The following PKD2L2 variants were observed in gnomAD, a reference collection of about 807,000 sequenced individuals.
PKD2L2 encodes the protein polycystin 2 like 2, transient receptor potential cation channel.
In PKD2L2, 67 loss-of-function variants were observed where a neutral mutation model predicts 83.9. The ratio of observed to expected loss-of-function variants is 0.80; its 90% CI spans 0.66 to 0.98. PKD2L2 has a LOEUF of 0.98. Ranked by LOEUF, PKD2L2 falls within the 50% of genes least tolerant of loss-of-function variation. The pLI, the probability that PKD2L2 is intolerant of heterozygous loss-of-function variation, is 0.00. For synonymous variants in PKD2L2, 223 were observed against 237.8 expected, an observed-to-expected ratio of 0.94 and a Z score of 0.57; for missense variants, 632 against 717.2, an observed-to-expected ratio of 0.88 and a Z score of 1.36.
Position 137,931,605 on chromosome 5 carries a change from T to C in PKD2L2, c.1672-4192T>C, listed in dbSNP as rs1207279507. On this transcript the variant is annotated intron_variant, in intron 12 of 14. Transcript: ENST00000508883. ...ATGATCATTTTCCACAAATGCTGGG[T>C]ATTTTATAAGTTTCAACACCCAATC... 2.0e-5 allele frequency among the ~76,000 whole-genome samples: 3 copies of C among 152,196 alleles called. No homozygotes were observed. The East Asian group carries it at 5.8e-4, about 29-fold the overall frequency.
intron 14 of PKD2L2, chr5:137,939,928 A>G: frequency 7.4e-7 from 1 of 1,344,662 alleles, no homozygotes. Context: ...TTGAAAGGAT[A>G]AAATTCCAGT....
intron 12 of PKD2L2, among the ~76,000 whole-genome samples, chr5:137,928,999 T>C (rs909248609): frequency 1.3e-5 from 2 of 152,220 alleles, no homozygotes; most frequent in African/African-American, 4.8e-5. Context: ...TGAAATAATG[T>C]TATGTCTTAC....
chr5:137,895,730 TAGTC>T (rs2150003097), intron 4 of PKD2L2, among the ~76,000 whole-genome samples: 1 of 150,836 alleles, frequency 6.6e-6, no homozygotes, highest in African/African-American at 2.4e-5. Context: ...ATACAAAAAT[TAGTC>T]AGGTATGGTA....
At chr5:137,910,184 CCACTG>C (rs1293178060) in intron 8 of PKD2L2, among the ~76,000 whole-genome samples, 2 of 151,132 alleles carry the variant, frequency 1.3e-5, no homozygotes, top group Non-Finnish European at 2.9e-5. Flanking sequence ...TATGATCACA[CCACTG>C]CACTCCAGCA....
intron 8 of PKD2L2, among the ~76,000 whole-genome samples, chr5:137,920,670 T>C (rs574663367): frequency 6.6e-6 from 1 of 151,866 alleles, no homozygotes; most frequent in South Asian, 2.1e-4. Flanking sequence ...GGCAGGAGAA[T>C]TGCTTGAACC....
At chr5:137,894,267 C>T (rs1464873722) in intron 3 of PKD2L2, 86 bp from the exon 4 acceptor site, 1 of 1,173,928 alleles carries the variant, frequency 8.5e-7, no homozygotes, top group Non-Finnish European at 1.2e-6. Flanking sequence ...TTTTCATACT[C>T]AAAATCTCTT....
chr5:137,939,800 T>C, intron 14 of PKD2L2: 3 of 1,179,922 alleles, frequency 2.5e-6, no homozygotes, highest in Non-Finnish European at 3.2e-6. Context: ...TTTCAGTCAT[T>C]CTGTAAGAAA....
chr5:137,911,002 C>A (rs2150026623), intron 8 of PKD2L2, among the ~76,000 whole-genome samples: 1 of 152,290 alleles, frequency 6.6e-6, no homozygotes, highest in Admixed American at 6.5e-5. Flanking sequence ...TAAACCACTT[C>A]TAAGTGTACA....
At chr5:137,906,869 T>C (rs1329216705) in intron 6 of PKD2L2, among the ~76,000 whole-genome samples, 1 of 152,148 alleles carries the variant, frequency 6.6e-6, no homozygotes, top group South Asian at 2.1e-4. Context: ...CTAAGCAGAA[T>C]ACTGACAGGG....
intron 12 of PKD2L2, among the ~76,000 whole-genome samples, chr5:137,932,191 A>T: frequency 6.6e-6 from 1 of 152,074 alleles, no homozygotes; most frequent in East Asian, 1.9e-4. Context: ...CTACTAAAAA[A>T]TACAAAATTA....
chr5:137,900,305 G>A (rs918809001), intron 5 of PKD2L2, among the ~76,000 whole-genome samples: 2 of 152,140 alleles, frequency 1.3e-5, no homozygotes, highest in East Asian at 3.8e-4. Context: ...AGTAAATTGT[G>A]TATCTCAGTA....
At chr5:137,899,813 T>C in intron 5 of PKD2L2, 76 bp downstream of exon 5, 2 of 722,782 alleles carry the variant, frequency 2.8e-6, no homozygotes, top group Non-Finnish European at 4.7e-6. Context: ...CAGTTGACCC[T>C]TGAACCACAT....
intron 1 of PKD2L2, chr5:137,889,816 G>C (rs1440274624): frequency 2.6e-6 from 1 of 377,968 alleles, no homozygotes; most frequent in Non-Finnish European, 4.7e-6. Context: ...TTGATCTGGG[G>C]AGTCGTGACC....
rs137861875 is a variant in PKD2L2 at position 137,930,444 on chromosome 5, G to A, written c.1671+4515G>A. Among the ~76,000 whole-genome samples, 145 of 152,144 alleles carry A rather than the reference G, an allele frequency of 9.5e-4. No homozygotes were observed. In the East Asian group the frequency reaches 0.027, roughly 28 times the overall value. On this transcript the variant is annotated intron_variant, in intron 12 of 14. Coordinates refer to ENST00000508883, the MANE Select transcript of PKD2L2 (RefSeq NM_001300921.2). ...TCCCAGCACTTTGGGAGGCTGAGGTGGGCGGATCATGAGGTCAGGAGTTCG... is the reference window on the plus strand; with the variant it reads ...TCCCAGCACTTTGGGAGGCTGAGGTAGGCGGATCATGAGGTCAGGAGTTCG...
At chr5:137,909,927 G>A (rs1182942720) in intron 8 of PKD2L2, among the ~76,000 whole-genome samples, 1 of 151,984 alleles carries the variant, frequency 6.6e-6, no homozygotes, top group African/African-American at 2.4e-5. Context: ...TGCCAAACAT[G>A]TATTTTTAAA....
chr5:137,899,484 C>A, intron 4 of PKD2L2, 32 bp from the exon 5 acceptor site: 1 of 1,326,516 alleles, frequency 7.5e-7, no homozygotes, highest in South Asian at 1.2e-5. Context: ...TGGGCTTTGT[C>A]ATTTCACCAT....
At chr5:137,923,037 A>T in intron 9 of PKD2L2, among the ~76,000 whole-genome samples, 3 of 133,792 alleles carry the variant, frequency 2.2e-5, no homozygotes, top group African/African-American at 5.7e-5. Flanking sequence ...TTTTAGACGG[A>T]GTCTTGCTCT....
chr5:137,907,187 G>A (rs538095785), intron 6 of PKD2L2, among the ~76,000 whole-genome samples: 1 of 152,200 alleles, frequency 6.6e-6, no homozygotes, highest in African/African-American at 2.4e-5. Flanking sequence ...CTACCTCTCT[G>A]GTAACTCCAC....
intron 8 of PKD2L2, among the ~76,000 whole-genome samples, chr5:137,915,448 A>G (rs897837026): frequency 4.0e-5 from 6 of 151,890 alleles, no homozygotes; most frequent in Non-Finnish European, 8.8e-5. Flanking sequence ...TTTGAGATGG[A>G]GTCTCACTCT....
Sources: gnomAD v4.1 joint callset for allele counts (sites outside exome capture counted in the v4.1 genomes callset) on GRCh38, gnomAD v4.1.1 for gene constraint, MANE v1.5 for transcripts, NCBI Gene and HGNC (gene_info 2026-07-23, HGNC 2026-07-21) for gene names.